The following HECTD4 variants were observed in gnomAD, a reference collection of about 807,000 sequenced individuals.
The protein encoded by HECTD4 is HECT domain E3 ubiquitin protein ligase 4, also known as probable E3 ubiquitin-protein ligase HECTD4.
A neutral mutation model predicts 471.5 loss-of-function variants in HECTD4; 114 were observed. That is an observed-to-expected ratio of 0.24 (90% CI 0.21 to 0.28). HECTD4 has a LOEUF of 0.28. HECTD4 is among the 10% of genes least tolerant of loss of function. The pLI is 1.00. For synonymous variants in HECTD4, 2,012 were observed against 2,256.0 expected, an observed-to-expected ratio of 0.89 and a Z score of 3.07; for missense variants, 3,866 against 5,651.5, an observed-to-expected ratio of 0.68 and a Z score of 10.13.
intron 1 of HECTD4, among the ~76,000 whole-genome samples, chr12:112,378,311 C>G (rs187439305): frequency 3.3e-5 from 5 of 152,060 alleles, no homozygotes; most frequent in Admixed American, 2.0e-4. Context: ...CTCCGCCTCC[C>G]GGGTTCACAC....
chr12:112,276,973 T>C (rs1440822376), intron 9 of HECTD4, among the ~76,000 whole-genome samples: 5 of 152,200 alleles, frequency 3.3e-5, no homozygotes, highest in Non-Finnish European at 5.9e-5. Context: ...AGAACCATTA[T>C]ACTTTGGAGA....
chr12:112,229,950 T>A, intron 40 of HECTD4, 70 bp from the exon 41 acceptor site: 1 of 1,407,264 alleles, frequency 7.1e-7, no homozygotes, highest in Non-Finnish European at 9.7e-7. Flanking sequence ...GGTGATAAAG[T>A]GTCTACAACA....
intron 1 of HECTD4, among the ~76,000 whole-genome samples, chr12:112,345,471 T>C (rs753852006): frequency 1.7e-4 from 26 of 152,008 alleles, no homozygotes; most frequent in Middle Eastern, 3.2e-3. Flanking sequence ...AGAGGAAAAT[T>C]AGTTTACAAG....
In HECTD4 at chr12:112,229,866, T is replaced by C. The variant is rs569730027; in HGVS notation, c.6351A>G (p.Ala2117=). The C allele has an allele frequency of 6.2e-7, 1 of 1,613,664 alleles. No homozygotes were observed. The highest frequency in any genetic ancestry group is 1.1e-5 in the South Asian group (1 of 91,028). ...TCCCCAATTGTGGAATGTACATCAG[T>C]GCTCTAGACAGAACCTAAATATAGA... The part of the protein sequence containing the change: ...TTTAEKVLSR[A]LMYIPQLGKY... The change falls in exon 41 of 76, where the codon GCA becomes GCG. Residue 2117 remains alanine, a synonymous_variant. Transcript: ENST00000682272.
chr12:112,231,916 A>G (rs1276101876), intron 38 of HECTD4, among the ~76,000 whole-genome samples: 1 of 152,112 alleles, frequency 6.6e-6, no homozygotes, highest in Non-Finnish European at 1.5e-5. Context: ...TCATCTAGAT[A>G]ACTTCTGTGC....
chr12:112,279,541 G>T (rs2034591475), intron 8 of HECTD4, among the ~76,000 whole-genome samples, 155 bp from the exon 9 acceptor site: 1 of 152,148 alleles, frequency 6.6e-6, no homozygotes, highest in African/African-American at 2.4e-5. Context: ...AGAAGTAATA[G>T]CTAAGGAAAA....
intron 47 of HECTD4, 109 bp downstream of exon 47, chr12:112,216,664 T>C: frequency 7.8e-7 from 1 of 1,279,716 alleles, no homozygotes; most frequent in Non-Finnish European, 1.1e-6. Flanking sequence ...TGCTCTCCTT[T>C]CCCCAAACTC....
At chr12:112,311,037 A>AG (rs1310440671) in intron 4 of HECTD4, among the ~76,000 whole-genome samples, 1 of 152,072 alleles carries the variant, frequency 6.6e-6, no homozygotes, top group African/African-American at 2.4e-5. Flanking sequence ...CGAGGCGGGC[A>AG]GATCACCTGA....
chr12:112,339,815 G>A (rs2036023377), intron 1 of HECTD4, among the ~76,000 whole-genome samples: 1 of 152,190 alleles, frequency 6.6e-6, no homozygotes, highest in Non-Finnish European at 1.5e-5. Flanking sequence ...CTGGGAGGCT[G>A]AGGCAGGTGG....
chr12:112,375,941 T>C (rs1019024289), intron 1 of HECTD4, among the ~76,000 whole-genome samples: 1 of 146,620 alleles, frequency 6.8e-6, no homozygotes, highest in South Asian at 2.2e-4. Context: ...TTAGCTGGGG[T>C]GAGGGTCGCT....
chr12:112,217,778 C>T (rs1298658770), intron 45 of HECTD4, among the ~76,000 whole-genome samples: 1 of 152,154 alleles, frequency 6.6e-6, no homozygotes, highest in East Asian at 1.9e-4. Flanking sequence ...CTTATAGCCC[C>T]CATGTAGTTA....
Position 112,193,800 on chromosome 12 carries a change from G to A in HECTD4, c.8750-126C>T. The A allele has an allele frequency of 2.5e-6, 2 of 797,238 alleles. No individual in the cohort carries two copies. Among genetic ancestry groups the A allele is most frequent in the East Asian group, 2.7e-5 (1 of 37,406 alleles). The allele number at this position is 797,238 out of a possible 1,614,324, so 49.4% of individuals were successfully genotyped here. ...ATGGGAGGGTTATCCTGGATATGAT[G>A]TCCTGGATAACAGATGCCGGCAATC... is the stretch of plus-strand genomic sequence containing the variant. On this transcript the variant is annotated intron_variant, in intron 56 of 75. Transcript: ENST00000682272. The surrounding 1 kb of genome is among the most constrained non-coding windows in gnomAD (Gnocchi z 5.2).
chr12:112,181,623 CA>C (rs944871732), intron 62 of HECTD4, among the ~76,000 whole-genome samples: 3 of 152,228 alleles, frequency 2.0e-5, no homozygotes, highest in Non-Finnish European at 2.9e-5. Context: ...CCACCACGCC[CA>C]GCTTATTTCA....
chr12:112,358,858 A>C (rs1275794877), intron 1 of HECTD4, among the ~76,000 whole-genome samples: 1 of 152,128 alleles, frequency 6.6e-6, no homozygotes, highest in African/African-American at 2.4e-5. Flanking sequence ...ACTCTCAACA[A>C]ACACACATTC....
intron 4 of HECTD4, among the ~76,000 whole-genome samples, chr12:112,312,648 T>C (rs569719670): frequency 6.6e-6 from 1 of 152,316 alleles, no homozygotes; most frequent in South Asian, 2.1e-4. Flanking sequence ...ACACAATAAA[T>C]TACTAAAGGA....
At chr12:112,332,035 G>A (rs953052374) in intron 1 of HECTD4, among the ~76,000 whole-genome samples, 6 of 152,030 alleles carry the variant, frequency 3.9e-5, no homozygotes, top group East Asian at 1.9e-4. Context: ...CTGGGGATGC[G>A]TGGCCTACAG....
chr12:112,377,554 TA>T (rs898596156), intron 1 of HECTD4, among the ~76,000 whole-genome samples: 9 of 151,802 alleles, frequency 5.9e-5, no homozygotes, highest in South Asian at 2.1e-4. Flanking sequence ...TTTATTGCTT[TA>T]AAAAAAAATC....
chr12:112,203,998 T>C (rs1216423714), intron 53 of HECTD4, among the ~76,000 whole-genome samples: 1 of 152,190 alleles, frequency 6.6e-6, no homozygotes, highest in Non-Finnish European at 1.5e-5. Context: ...GCTCTTACAA[T>C]TGAAGAATAA....
intron 8 of HECTD4, 107 bp downstream of exon 8, chr12:112,283,003 A>T (rs1048585806): frequency 1.3e-6 from 1 of 778,680 alleles, no homozygotes; most frequent in African/African-American, 1.7e-5. Flanking sequence ...AATAAAGTCA[A>T]CTATGCAAAG....
Sources: allele counts gnomAD v4.1 joint callset (sites outside exome capture counted in the v4.1 genomes callset), GRCh38; gene constraint gnomAD v4.1.1; non-coding constraint Gnocchi (gnomAD v3.1); transcripts MANE v1.5; gene names NCBI Gene and HGNC (gene_info 2026-07-23, HGNC 2026-07-21).